Variants in DOCK4 observed in about 807,000 individuals in gnomAD.
DOCK4 encodes the protein dedicator of cytokinesis protein 4.
A neutral mutation model predicts 268.1 loss-of-function variants in DOCK4; 97 were observed. That is an observed-to-expected ratio of 0.36 (90% CI 0.31 to 0.43). The LOEUF (loss-of-function observed/expected upper bound fraction) is 0.43. Ranked by LOEUF, DOCK4 falls within the 20% of genes least tolerant of loss-of-function variation. The pLI is 1.00. For synonymous variants in DOCK4, 954 were observed against 887.2 expected (o/e 1.08, Z -1.34); for missense variants, 2,145 against 2,455.7 (o/e 0.87, Z 2.67).
At chr7:112,178,631 T>C (rs1389343466) in intron 1 of DOCK4, among the ~76,000 whole-genome samples, 1 of 152,170 alleles carries the variant, frequency 6.6e-6, no homozygotes, top group African/African-American at 2.4e-5. Context: ...TGAGTTCCAA[T>C]CTGACAGAGA....
chr7:112,128,031 G>C (rs1385737031), intron 1 of DOCK4, among the ~76,000 whole-genome samples: 1 of 152,160 alleles, frequency 6.6e-6, no homozygotes, highest in Admixed American at 6.5e-5. Context: ...TCTGTCGGGG[G>C]TGAGGGTGGA....
chr7:111,998,407 CTG>C lies in DOCK4; in HGVS notation c.218+39_218+40del, dbSNP rs77133023. ...TCAAATTCCAAAAGAAGCAAAGGCT[CTG>C]TGAAAATCCTCCAACTACTAATAAA... On this transcript the variant is annotated intron_variant, in intron 4 of 52. Transcript: ENST00000428084. 2.2e-4 allele frequency: 318 copies of C among 1,457,292 alleles called. 1 individual carries two copies. In the East Asian group the frequency reaches 7.1e-3, roughly 32 times the overall value. 90.3% of individuals were successfully genotyped at this position (1,457,292 alleles called of 1,614,324 possible).
intron 48 of DOCK4, 75 bp downstream of exon 48, chr7:111,739,321 T>C: frequency 1.3e-6 from 2 of 1,593,218 alleles, no homozygotes; most frequent in Non-Finnish European, 1.7e-6. Context: ...CCTGAACGTG[T>C]GGCAGCTGGC....
intron 8 of DOCK4, among the ~76,000 whole-genome samples, chr7:111,946,833 C>T (rs1052727718): frequency 3.3e-5 from 5 of 152,198 alleles, no homozygotes; most frequent in African/African-American, 9.7e-5. Context: ...CTGCCTGCTT[C>T]GGCCTCCCGA....
intron 36 of DOCK4, among the ~76,000 whole-genome samples, chr7:111,773,908 C>G (rs1275942481): frequency 2.0e-5 from 3 of 151,692 alleles, no homozygotes. Flanking sequence ...TCCCAACTAC[C>G]TGGGAGGCTG....
rs146518672 is a variant in DOCK4 at position 112,134,185 on chromosome 7, C to T, written c.37+71917G>A. On this transcript the variant is annotated intron_variant, in intron 1 of 52. Transcript: ENST00000428084. ...GAGTCCATAATTTATAGAGTTAAGA[C>T]AGATTAACAAACAGGGTGGAGCTTT... Among the ~76,000 whole-genome samples, 306 of 152,256 alleles carry T rather than the reference C, an allele frequency of 2.0e-3. 1 individual carries two copies. Among genetic ancestry groups the T allele is most frequent in the African/African-American group, 6.4e-3 (266 of 41,544 alleles).
intron 44 of DOCK4, among the ~76,000 whole-genome samples, chr7:111,745,712 T>C (rs1419982208): frequency 1.6e-5 from 1 of 61,386 alleles, no homozygotes; most frequent in Non-Finnish European, 3.6e-5. Context: ...AAAAAAAAAG[T>C]TGGCATCAAG....
chr7:112,201,589 G>A (rs909321650), intron 1 of DOCK4, among the ~76,000 whole-genome samples: 3 of 147,600 alleles, frequency 2.0e-5, no homozygotes, highest in Non-Finnish European at 4.5e-5. Context: ...ACAAATGAAC[G>A]CAAAAACAAT....
rs377498411 is a variant in DOCK4 at position 111,989,194 on chromosome 7, A to G, written c.316-31T>C. On this transcript the variant is annotated intron_variant, in intron 5 of 52. Transcript: ENST00000428084. ...AAATATACAAATGTGGAGATTTGGC[A>G]GTCAGTACCTATACTGAGTTGTGGG... 3.1e-6 allele frequency: 5 copies of G among 1,612,964 alleles called. No individual in the cohort carries two copies. In the South Asian group the frequency reaches 5.5e-5, roughly 18 times the overall value.
chr7:111,925,865 A>G (rs1301861589), intron 12 of DOCK4, among the ~76,000 whole-genome samples: 2 of 152,212 alleles, frequency 1.3e-5, no homozygotes, highest in Admixed American at 6.5e-5. Context: ...AGGTGGGCAG[A>G]TCACGAGGTC....
At chr7:112,066,643 T>C (rs1317720020) in intron 1 of DOCK4, among the ~76,000 whole-genome samples, 2 of 130,492 alleles carry the variant, frequency 1.5e-5, no homozygotes, top group Admixed American at 7.5e-5. Flanking sequence ...TACACACATA[T>C]ACATATATAC....
intron 1 of DOCK4, among the ~76,000 whole-genome samples, chr7:112,061,241 C>T (rs916912419): frequency 6.6e-6 from 1 of 152,184 alleles, no homozygotes; most frequent in Non-Finnish European, 1.5e-5. Flanking sequence ...GCCCCACACA[C>T]AGAAGTGACT....
At chr7:111,752,475 T>A (rs56383191) in intron 42 of DOCK4, among the ~76,000 whole-genome samples, 7,330 of 152,106 alleles carry the variant, frequency 0.048, 220 homozygotes, top group African/African-American at 0.066. Context: ...CAGGATGTGG[T>A]ATGAAAATAT....
intron 1 of DOCK4, among the ~76,000 whole-genome samples, chr7:112,011,503 GAC>G (rs960448763): frequency 6.6e-6 from 1 of 151,832 alleles, no homozygotes; most frequent in Non-Finnish European, 1.5e-5. Flanking sequence ...AACCTTCTAT[GAC>G]ACAGACATTT....
At chr7:112,148,491 T>C (rs1370221219) in intron 1 of DOCK4, among the ~76,000 whole-genome samples, 1 of 152,006 alleles carries the variant, frequency 6.6e-6, no homozygotes, top group Non-Finnish European at 1.5e-5. Context: ...TCTGATAGAG[T>C]CGTTTTGTGC....
chr7:111,754,225 T>C (rs1796878669), intron 42 of DOCK4, among the ~76,000 whole-genome samples: 1 of 152,212 alleles, frequency 6.6e-6, no homozygotes, highest in African/African-American at 2.4e-5. Context: ...CAGCCAGCTT[T>C]TGGGGACTCT....
At chr7:111,938,466 T>C (rs2106737) in intron 11 of DOCK4, among the ~76,000 whole-genome samples, 6,549 of 152,234 alleles carry the variant, frequency 0.043, 213 homozygotes, top group Non-Finnish European at 0.07. Flanking sequence ...AGGTAGCCAA[T>C]GGTGTGGTCC....
At chr7:111,953,238 G>T (rs547608984) in intron 8 of DOCK4, among the ~76,000 whole-genome samples, 10 of 151,948 alleles carry the variant, frequency 6.6e-5, no homozygotes, top group African/African-American at 1.9e-4. Flanking sequence ...TACGCTGTTT[G>T]AAGAGTGTGA....
chr7:112,201,982 CT>C (rs1820981004), intron 1 of DOCK4, among the ~76,000 whole-genome samples: 1 of 152,196 alleles, frequency 6.6e-6, no homozygotes, highest in Admixed American at 6.5e-5. Context: ...ACTTCATTTA[CT>C]ATAATACCCT....
Sources: allele counts gnomAD v4.1 joint callset (sites outside exome capture counted in the v4.1 genomes callset), GRCh38; gene constraint gnomAD v4.1.1; transcripts MANE v1.5; gene names NCBI Gene and HGNC (gene_info 2026-07-23, HGNC 2026-07-21).